FOXP2: variants seen among roughly 807,000 people sequenced by gnomAD.
FOXP2 encodes the protein forkhead box P2, also known as forkhead box protein P2.
Under a neutral mutation model 115.8 loss-of-function variants are expected in FOXP2, and 12 were observed. That is an observed-to-expected ratio of 0.10 (90% CI 0.07 to 0.17). The LOEUF (loss-of-function observed/expected upper bound fraction) is 0.17. FOXP2 is among the 10% of genes least tolerant of loss of function. The pLI is 1.00. For missense variants in FOXP2, 629 were observed against 843.5 expected (o/e 0.75, Z 3.15); for synonymous variants, 328 against 297.7 (o/e 1.10, Z -1.05).
rs769641584 is a variant in FOXP2, at chr7:114,662,110, G to A, written c.1693G>A (p.Val565Ile). Reference sequence around the variant, plus strand: ...TAGCCTGCACAAGTGTTTTGTTCGAGTAGAAAATGTTAAAGGAGCAGTATG... The same window carrying A: ...TAGCCTGCACAAGTGTTTTGTTCGAATAGAAAATGTTAAAGGAGCAGTATG... ...NLSLHKCFVR[V>I]ENVKGAVWTV... Residue 565 changes from valine (V) to isoleucine (I), a missense_variant, in exon 14 of 17, where the codon GTA becomes ATA. Transcript: ENST00000350908. 6.2e-7 allele frequency: 1 copy of A among 1,612,900 alleles called. No homozygotes were observed. The highest frequency in any genetic ancestry group is 1.7e-5 in the Admixed American group (1 of 59,900).
At chr7:114,422,332 G>T (rs1793657266) in intron 1 of FOXP2, among the ~76,000 whole-genome samples, 2 of 151,694 alleles carry the variant, frequency 1.3e-5, no homozygotes, top group South Asian at 4.1e-4. Flanking sequence ...TTTCTGGGAA[G>T]TCATTTTTTT....
chr7:114,461,058 C>G (rs945410177), intron 2 of FOXP2, among the ~76,000 whole-genome samples: 1 of 152,128 alleles, frequency 6.6e-6, no homozygotes, highest in Non-Finnish European at 1.5e-5. Flanking sequence ...AAAAGTTCTC[C>G]TCTAGTGCAT....
At chr7:114,378,501 T>C (rs1176190672) in intron 2 of FOXP2, among the ~76,000 whole-genome samples, 1 of 151,552 alleles carries the variant, frequency 6.6e-6, no homozygotes, top group Non-Finnish European at 1.5e-5. Flanking sequence ...CTGGGCAACA[T>C]AAGGAGACCT....
At chr7:114,380,560 G>C (rs978896806) in intron 2 of FOXP2, among the ~76,000 whole-genome samples, 1 of 152,202 alleles carries the variant, frequency 6.6e-6, no homozygotes, top group African/African-American at 2.4e-5. Flanking sequence ...GCAATTACTT[G>C]TTGACAGTTC....
chr7:114,593,803 G>A (rs1452558160), intron 3 of FOXP2, among the ~76,000 whole-genome samples: 1 of 151,878 alleles, frequency 6.6e-6, no homozygotes, highest in Admixed American at 6.6e-5. Flanking sequence ...GTTGAATAAA[G>A]CAGTTTATAT....
At chr7:114,104,971 C>A (rs374731814) in intron 1 of FOXP2, among the ~76,000 whole-genome samples, 69 of 152,044 alleles carry the variant, frequency 4.5e-4, no homozygotes, top group African/African-American at 1.6e-3. Flanking sequence ...TGTTAAAATG[C>A]CAACTCCCAT....
At chr7:114,654,159 T>C in intron 10 of FOXP2, 150 bp downstream of exon 10, 1 of 1,515,750 alleles carries the variant, frequency 6.6e-7, no homozygotes. Flanking sequence ...TGTCAAATTG[T>C]ATGTTTCTTT....
chr7:114,329,465 G>C (rs1276069976), intron 2 of FOXP2, among the ~76,000 whole-genome samples: 4 of 149,564 alleles, frequency 2.7e-5, no homozygotes, highest in Non-Finnish European at 5.9e-5. Context: ...GTTGCAGTGA[G>C]CCGAGATCGT....
intron 2 of FOXP2, among the ~76,000 whole-genome samples, chr7:114,497,152 A>G (rs1009942921): frequency 1.3e-5 from 2 of 152,170 alleles, no homozygotes; most frequent in Non-Finnish European, 2.9e-5. Flanking sequence ...TGTAATCTAG[A>G]CTACTGACAC....
intron 2 of FOXP2, among the ~76,000 whole-genome samples, chr7:114,488,573 T>G (rs1796897333): frequency 6.6e-6 from 1 of 152,178 alleles, no homozygotes; most frequent in Non-Finnish European, 1.5e-5. Flanking sequence ...ACTTTCATCT[T>G]CAGATTCAAT....
Position 114,255,793 on chromosome 7 carries a change from A to G in FOXP2, c.-101-32226A>G, listed in dbSNP as rs544360316. The stretch of plus-strand genomic sequence containing the variant: ...GGCTCACACTCGGTGTGCTCCACCC[A>G]CTGTCCTGCAACCACTGTCTGCCAA... On this transcript the variant is annotated intron_variant, in intron 1 of 17. Coordinates refer to the FOXP2 transcript ENST00000634411. 1.6e-4 allele frequency among the ~76,000 whole-genome samples: 24 copies of G among 152,128 alleles called. 1 individual carries two copies. Among genetic ancestry groups the G allele is most frequent in the African/African-American group, 4.8e-4 (20 of 41,520 alleles).
chr7:114,115,530 C>G (rs959825065), intron 1 of FOXP2, among the ~76,000 whole-genome samples: 1 of 152,086 alleles, frequency 6.6e-6, no homozygotes. Context: ...TTCAACTGTG[C>G]CATCCTCTTT....
At chr7:114,114,179 TAAAAC>T (rs1383325426) in intron 1 of FOXP2, among the ~76,000 whole-genome samples, 2 of 151,468 alleles carry the variant, frequency 1.3e-5, no homozygotes, top group Non-Finnish European at 2.9e-5. Context: ...TACTGGCATT[TAAAAC>T]AAAATGTAAT....
At chr7:114,512,115 T>C (rs1798107482) in intron 2 of FOXP2, among the ~76,000 whole-genome samples, 1 of 152,188 alleles carries the variant, frequency 6.6e-6, no homozygotes, top group Non-Finnish European at 1.5e-5. Context: ...AGTTAGTTAT[T>C]GGCTTTATAT....
At chr7:114,116,289 G>C (rs920790609) in intron 1 of FOXP2, among the ~76,000 whole-genome samples, 2 of 152,130 alleles carry the variant, frequency 1.3e-5, no homozygotes, top group African/African-American at 4.8e-5. Context: ...GAACCAGAGT[G>C]GCAGAAGAAG....
chr7:114,430,823 T>C (rs1794073135), intron 2 of FOXP2, among the ~76,000 whole-genome samples: 2 of 151,860 alleles, frequency 1.3e-5, no homozygotes, highest in African/African-American at 2.4e-5. Context: ...TCGCTTAATC[T>C]CAATTGACAA....
intron 3 of FOXP2, among the ~76,000 whole-genome samples, chr7:114,591,456 T>C (rs1802432731): frequency 1.3e-5 from 2 of 152,030 alleles, no homozygotes; most frequent in African/African-American, 4.8e-5. Flanking sequence ...TGAGAAAAAT[T>C]ATAATACTTT....
chr7:114,223,695 A>C (rs1794679422), intron 1 of FOXP2, among the ~76,000 whole-genome samples: 1 of 150,832 alleles, frequency 6.6e-6, no homozygotes, highest in Non-Finnish European at 1.5e-5. Flanking sequence ...GGCTAGTCTC[A>C]AAACTTCTGG....
chr7:114,311,816 C>T (rs890602482), intron 2 of FOXP2, among the ~76,000 whole-genome samples: 1 of 152,086 alleles, frequency 6.6e-6, no homozygotes, highest in African/African-American at 2.4e-5. Flanking sequence ...AATTGTTAAC[C>T]TTTTGCAATG....
Sources: gnomAD v4.1 joint callset for allele counts (sites outside exome capture counted in the v4.1 genomes callset) on GRCh38, gnomAD v4.1.1 for gene constraint, MANE v1.5 for transcripts, NCBI Gene and HGNC (gene_info 2026-07-23, HGNC 2026-07-21) for gene names.